PRSS12: variants seen among roughly 807,000 people sequenced by gnomAD.
PRSS12 encodes the protein neurotrypsin.
Under a neutral mutation model 104.4 loss-of-function variants are expected in PRSS12, and 85 were observed. That is an observed-to-expected ratio of 0.81 (90% confidence interval 0.68 to 0.98). The LOEUF (loss-of-function observed/expected upper bound fraction) is 0.98. PRSS12 is among the 50% of genes least tolerant of loss of function. The pLI is 0.00. For synonymous variants in PRSS12, 454 were observed against 425.2 expected, an observed-to-expected ratio of 1.07 and a Z score of -0.83; for missense variants, 1,141 against 1,139.2, an observed-to-expected ratio of 1.00 and a Z score of -0.02.
intron 3 of PRSS12, among the ~76,000 whole-genome samples, chr4:118,333,823 G>C (rs1190561390): frequency 6.6e-6 from 1 of 152,004 alleles, no homozygotes; most frequent in East Asian, 1.9e-4. Context: ...ATACAGAAAA[G>C]CACAAGGACA....
At position 118,318,479 on chromosome 4, in the gene PRSS12, G is replaced by A; in HGVS notation, c.1049C>T (p.Thr350Ile). The A allele has an allele frequency of 6.2e-7, 1 of 1,614,132 alleles. No individual in the cohort carries two copies. ...GPVMLDEVRC[T>I]GNELSIEQCP... ...CTGCTCAATTGAAAGCTCATTCCCAGTGCAGCGTACTTCATCCAACATAAC... is the reference window on the plus strand; with the variant it reads ...CTGCTCAATTGAAAGCTCATTCCCAATGCAGCGTACTTCATCCAACATAAC... The change falls in exon 5 of 13, where the codon ACT becomes ATT. Residue 350 changes from threonine to isoleucine, a missense_variant. Coordinates refer to ENST00000296498, the MANE Select transcript of PRSS12 (RefSeq NM_003619.4).
chr4:118,330,454 C>T (rs1723889672), intron 4 of PRSS12, among the ~76,000 whole-genome samples: 1 of 152,024 alleles, frequency 6.6e-6, no homozygotes, highest in Non-Finnish European at 1.5e-5. Context: ...GTCTCCAAAA[C>T]AACTGGCCTT....
chr4:118,294,343 CAA>C (rs963963962), intron 11 of PRSS12, among the ~76,000 whole-genome samples: 4 of 152,096 alleles, frequency 2.6e-5, no homozygotes, highest in African/African-American at 9.7e-5. Flanking sequence ...AAGCACTAAA[CAA>C]GAGAAAGTAG....
chr4:118,345,197 G>T (rs897752468), intron 1 of PRSS12, among the ~76,000 whole-genome samples: 8 of 152,150 alleles, frequency 5.3e-5, no homozygotes, highest in African/African-American at 1.9e-4. Flanking sequence ...ATTACACTTT[G>T]TATCCCCTCT....
intron 1 of PRSS12, among the ~76,000 whole-genome samples, chr4:118,344,516 G>T (rs971795632): frequency 6.6e-6 from 1 of 151,968 alleles, no homozygotes; most frequent in Non-Finnish European, 1.5e-5. Flanking sequence ...AGTCATCCCA[G>T]GTCAAAATGA....
chr4:118,345,268 T>C (rs1156747528), intron 1 of PRSS12, among the ~76,000 whole-genome samples: 2 of 152,162 alleles, frequency 1.3e-5, no homozygotes, highest in African/African-American at 2.4e-5. Context: ...GGGGGGTAAA[T>C]ATCATTGCTT....
Position 118,281,337 on chromosome 4 carries a change from A to G in PRSS12, c.*599T>C, listed in dbSNP as rs1287999787. On this transcript the variant is annotated 3_prime_UTR_variant, in exon 13 of 13. Transcript: ENST00000296498. ...ACTCAACAAGGATACTTGTTTCCAAATATCAGATCACTTTGAGAATATATT... is the reference window on the plus strand; with the variant it reads ...ACTCAACAAGGATACTTGTTTCCAAGTATCAGATCACTTTGAGAATATATT... 4 of 155,690 alleles carry G rather than the reference A, an allele frequency of 2.6e-5. No homozygotes were observed. In the South Asian group the frequency reaches 5.8e-4, roughly 23 times the overall value. 9.6% of individuals were successfully genotyped at this position (155,690 alleles called of 1,614,324 possible). A position where few individuals can be genotyped will look rare whatever the true frequency, so the allele number is the denominator to read the frequency against.
rs1231297439 is a variant in PRSS12, at chr4:118,298,850, T to C, written c.1720A>G (p.Arg574Gly). The C allele has an allele frequency of 1.2e-6, 2 of 1,614,062 alleles. No homozygotes were observed. Among genetic ancestry groups the C allele is most frequent in the African/African-American group, 2.7e-5 (2 of 74,924 alleles). Residue 574 changes from arginine to glycine, a missense_variant, in exon 9 of 13, where the codon AGG becomes GGG. By Grantham distance (125) the Arg-to-Gly change is moderately radical. Coordinates refer to ENST00000296498, the MANE Select transcript of PRSS12 (RefSeq NM_003619.4). ...VDNVKCTGNERSLADCIKQDI... is the reference protein window; with the variant it reads ...VDNVKCTGNEGSLADCIKQDI... ...TGCTTGATACAGTCAGCCAAGGACC[T>C]CTCATTTCCTGTGCACTTCACATTA...
At chr4:118,286,430 T>G (rs2126026056) in intron 11 of PRSS12, among the ~76,000 whole-genome samples, 1 of 152,300 alleles carries the variant, frequency 6.6e-6, no homozygotes, top group South Asian at 2.1e-4. Flanking sequence ...CCTGATTTTG[T>G]CCTGATCAAG....
At chr4:118,335,158 ATGAC>A in intron 3 of PRSS12, among the ~76,000 whole-genome samples, 1 of 152,218 alleles carries the variant, frequency 6.6e-6, no homozygotes, top group Middle Eastern at 3.4e-3. Context: ...ATAATTTTCC[ATGAC>A]TAAAATATGT....
chr4:118,337,844 T>C (rs1390745836), intron 2 of PRSS12, among the ~76,000 whole-genome samples: 7 of 152,118 alleles, frequency 4.6e-5, no homozygotes, highest in Non-Finnish European at 7.4e-5. Flanking sequence ...ATTTTTAGAA[T>C]CAAATTCTTA....
intron 11 of PRSS12, among the ~76,000 whole-genome samples, chr4:118,284,289 C>G (rs954834893): frequency 1.3e-5 from 2 of 152,194 alleles, no homozygotes; most frequent in African/African-American, 2.4e-5. Flanking sequence ...CACGTGTTCC[C>G]TGTTAGGCAA....
intron 4 of PRSS12, among the ~76,000 whole-genome samples, chr4:118,324,341 T>G (rs1170901908): frequency 2.6e-5 from 4 of 151,994 alleles, no homozygotes; most frequent in Admixed American, 2.0e-4. Context: ...CCTATCACAT[T>G]TTTGGAGATT....
At chr4:118,323,474 A>G (rs1372788767) in intron 4 of PRSS12, among the ~76,000 whole-genome samples, 2 of 151,830 alleles carry the variant, frequency 1.3e-5, no homozygotes, top group Non-Finnish European at 2.9e-5. Context: ...AAGAAAAGAA[A>G]GAAAGGCGGG....
chr4:118,309,799 T>C (rs1184648801), intron 7 of PRSS12, among the ~76,000 whole-genome samples: 1 of 152,194 alleles, frequency 6.6e-6, no homozygotes, highest in Non-Finnish European at 1.5e-5. Flanking sequence ...AATATATGTT[T>C]AAACCAATAT....
rs73843416 is a variant in PRSS12, at chr4:118,296,881, T to C, written c.1838-1025A>G. On this transcript the variant is annotated intron_variant, in intron 9 of 12. Transcript: ENST00000296498. ...AGATGACACTGCAAATTGTAAGATA[T>C]TAGAAAAAACATAAGTTTCCAATAA... is the stretch of plus-strand genomic sequence containing the variant. Among the ~76,000 whole-genome samples, 653 of 152,250 alleles carry C rather than the reference T, an allele frequency of 4.3e-3. 3 individuals carry two copies. The highest frequency in any genetic ancestry group is 0.015 in the African/African-American group (619 of 41,542).
In PRSS12 at chr4:118,280,121, A is replaced by G. The variant is rs1167350473; in HGVS notation, c.*1815T>C. The G allele has an allele frequency of 6.6e-6, 1 of 152,278 alleles. No homozygotes were observed. Among genetic ancestry groups the G allele is most frequent in the East Asian group, 1.9e-4 (1 of 5,208 alleles). The allele number at this position is 152,278 out of a possible 1,614,324, so 9.4% of individuals were successfully genotyped here. ...TCAAAAGTCACACTTAAGACATAGT[A>G]AAAGCATGTTGTATGAACCATGTAT... is the stretch of plus-strand genomic sequence containing the variant. On this transcript the variant is annotated 3_prime_UTR_variant, in exon 13 of 13. Coordinates refer to ENST00000296498, the MANE Select transcript of PRSS12 (RefSeq NM_003619.4).
chr4:118,308,513 A>G lies in PRSS12; in HGVS notation c.1554T>C (p.Asn518=). 1 of 1,614,052 alleles carries G rather than the reference A, an allele frequency of 6.2e-7. No individual in the cohort carries two copies. Among genetic ancestry groups the G allele is most frequent in the South Asian group, 1.1e-5 (1 of 91,074 alleles). Reference sequence around the variant, plus strand: ...CATCACAGATTGTTCCCCACTGGCCATTGATAAAAACCTCCACTCGTCCTT... The same window carrying G: ...CATCACAGATTGTTCCCCACTGGCCGTTGATAAAAACCTCCACTCGTCCTT... ...KKEGRVEVFI[N]GQWGTICDDG... Residue 518 remains asparagine (N), a synonymous_variant, in exon 8 of 13, where the codon AAT becomes AAC. Transcript: ENST00000296498.
chr4:118,301,863 TCTAGGTGAA>T (rs1052287840), intron 8 of PRSS12, among the ~76,000 whole-genome samples: 1 of 152,176 alleles, frequency 6.6e-6, no homozygotes, highest in African/African-American at 2.4e-5. Context: ...TCTTGGGTTT[TCTAGGTGAA>T]CAATCATATT....
Sources: allele counts gnomAD v4.1 joint callset (sites outside exome capture counted in the v4.1 genomes callset), GRCh38; gene constraint gnomAD v4.1.1; transcripts MANE v1.5; gene names NCBI Gene and HGNC (gene_info 2026-07-23, HGNC 2026-07-21).